Variants in SHROOM3 observed in about 807,000 individuals in gnomAD.
SHROOM3 encodes shroom family member 3.
A neutral mutation model predicts 138.6 loss-of-function variants in SHROOM3; 47 were observed. The observed-to-expected ratio is 0.34, with a 90% confidence interval of 0.27 to 0.43. SHROOM3 has a LOEUF of 0.43. SHROOM3 is among the 20% of genes least tolerant of loss of function. The pLI is 1.00. For missense variants in SHROOM3, 2,491 were observed against 2,596.5 expected (o/e 0.96, Z 0.88); for synonymous variants, 1,062 against 1,063.3 (o/e 1.00, Z 0.02).
At chr4:76,442,632 A>T (rs1730718649) in intron 1 of SHROOM3, among the ~76,000 whole-genome samples, 1 of 151,696 alleles carries the variant, frequency 6.6e-6, no homozygotes, top group African/African-American at 2.4e-5. Flanking sequence ...GATGGTCTCG[A>T]TCTCCTTACC....
chr4:76,611,034 A>G (rs1734750097), intron 2 of SHROOM3, among the ~76,000 whole-genome samples: 2 of 151,982 alleles, frequency 1.3e-5, no homozygotes, highest in Non-Finnish European at 2.9e-5. Flanking sequence ...TTCTAAGGTG[A>G]TTTTTTTCCC....
At chr4:76,487,657 A>G (rs139084274) in intron 1 of SHROOM3, among the ~76,000 whole-genome samples, 177 of 152,272 alleles carry the variant, frequency 1.2e-3, no homozygotes, top group Non-Finnish European at 1.8e-3. Context: ...ATTGAAATGT[A>G]CTACTGGGTT....
chr4:76,674,835 G>A (rs1340938771), intron 2 of SHROOM3, among the ~76,000 whole-genome samples: 4 of 151,902 alleles, frequency 2.6e-5, no homozygotes, highest in East Asian at 1.9e-4. Flanking sequence ...GATTACAGGC[G>A]TGAGCCACCA....
At position 76,782,717 on chromosome 4, in the gene SHROOM3, A is replaced by G. The variant is rs1008162659; in HGVS notation, c.*3540A>G. On this transcript the variant is annotated 3_prime_UTR_variant, in exon 11 of 11. Transcript: ENST00000296043. Reference sequence around the variant, plus strand: ...ATTCACCTTACTATTAGAAAAAGGAATAACTACAGCCAGAAATAACTTCAT... The same window carrying G: ...ATTCACCTTACTATTAGAAAAAGGAGTAACTACAGCCAGAAATAACTTCAT... The G allele has an allele frequency of 5.3e-5, 8 of 152,212 alleles. No homozygotes were observed. The highest frequency in any genetic ancestry group is 1.2e-4 in the Non-Finnish European group (8 of 68,044). 9.4% of individuals were successfully genotyped at this position (152,212 alleles called of 1,614,324 possible).
At chr4:76,535,007 C>G (rs1364986950) in intron 1 of SHROOM3, among the ~76,000 whole-genome samples, 4 of 152,208 alleles carry the variant, frequency 2.6e-5, no homozygotes, top group African/African-American at 9.6e-5. Flanking sequence ...AATACCCCTT[C>G]CTTCCAAAAG....
chr4:76,457,834 C>T (rs531931972), intron 1 of SHROOM3, among the ~76,000 whole-genome samples: 3 of 147,714 alleles, frequency 2.0e-5, no homozygotes, highest in South Asian at 4.3e-4. Flanking sequence ...CTCACTCTGT[C>T]GCCCATGCTG....
At chr4:76,658,111 C>T (rs1274515311) in intron 2 of SHROOM3, among the ~76,000 whole-genome samples, 2 of 152,200 alleles carry the variant, frequency 1.3e-5, no homozygotes, top group East Asian at 1.9e-4. Flanking sequence ...TAATAACTTC[C>T]CACAATCCCA....
intron 9 of SHROOM3, among the ~76,000 whole-genome samples, chr4:76,768,093 A>G (rs1169716829): frequency 6.6e-6 from 1 of 152,226 alleles, no homozygotes; most frequent in Non-Finnish European, 1.5e-5. Context: ...AGCCTAGGAA[A>G]TGTACCCTTC....
intron 2 of SHROOM3, among the ~76,000 whole-genome samples, chr4:76,662,936 GGAGGGAGA>G (rs937518177): frequency 9.9e-5 from 15 of 151,290 alleles, no homozygotes; most frequent in Admixed American, 2.6e-4. Flanking sequence ...AGAGGGAGAG[GGAGGGAGA>G]GAGGGAGAGA....
intron 1 of SHROOM3, among the ~76,000 whole-genome samples, chr4:76,541,441 A>G (rs1205884183): frequency 1.3e-5 from 2 of 152,220 alleles, no homozygotes; most frequent in Non-Finnish European, 2.9e-5. Flanking sequence ...GGATTGAGGC[A>G]TGGCTGGGGG....
chr4:76,681,712 G>A (rs532524013), intron 2 of SHROOM3, among the ~76,000 whole-genome samples: 3 of 151,534 alleles, frequency 2.0e-5, no homozygotes, highest in East Asian at 2.0e-4. Context: ...GTCTGGTGTC[G>A]GGATGTTGGT....
intron 3 of SHROOM3, among the ~76,000 whole-genome samples, chr4:76,722,363 A>G (rs1176689066): frequency 6.6e-6 from 1 of 152,212 alleles, no homozygotes; most frequent in African/African-American, 2.4e-5. Context: ...TTGCAGGAAC[A>G]TGGATGGAGC....
intron 9 of SHROOM3, among the ~76,000 whole-genome samples, chr4:76,766,054 A>G (rs768700758): frequency 2.9e-4 from 44 of 152,240 alleles, no homozygotes; most frequent in Non-Finnish European, 5.9e-4. Flanking sequence ...CTGAAGCCAG[A>G]TGATCTGCGT....
At chr4:76,632,043 G>A (rs1577934646) in intron 2 of SHROOM3, among the ~76,000 whole-genome samples, 1 of 152,138 alleles carries the variant, frequency 6.6e-6, no homozygotes, top group Non-Finnish European at 1.5e-5. Flanking sequence ...ATGGTAATGG[G>A]ATCATGAGTC....
At chr4:76,777,544 G>A (rs568705580) in intron 10 of SHROOM3, among the ~76,000 whole-genome samples, 29 of 152,268 alleles carry the variant, frequency 1.9e-4, no homozygotes, top group Non-Finnish European at 3.8e-4. Context: ...TTGGCAAACA[G>A]CAACAGTTTG....
intron 1 of SHROOM3, among the ~76,000 whole-genome samples, chr4:76,470,504 A>C (rs1382971817): frequency 6.6e-6 from 1 of 152,202 alleles, no homozygotes; most frequent in Non-Finnish European, 1.5e-5. Context: ...ATCAAGATAC[A>C]AGACTAATTG....
At chr4:76,601,548 A>G (rs1380530928) in intron 2 of SHROOM3, among the ~76,000 whole-genome samples, 1 of 152,190 alleles carries the variant, frequency 6.6e-6, no homozygotes, top group Non-Finnish European at 1.5e-5. Context: ...TTTATCGTCC[A>G]GGCTGCAGTG....
chr4:76,558,015 T>C (rs1022697828), intron 2 of SHROOM3, among the ~76,000 whole-genome samples: 1 of 152,146 alleles, frequency 6.6e-6, no homozygotes, highest in East Asian at 1.9e-4. Flanking sequence ...CACCTTGGCA[T>C]TGGAACCCAG....
chr4:76,546,755 C>CA (rs1400387250), intron 1 of SHROOM3, among the ~76,000 whole-genome samples: 2 of 152,182 alleles, frequency 1.3e-5, no homozygotes, highest in East Asian at 3.8e-4. Flanking sequence ...GCCAACTTCA[C>CA]AAAACAGCAA....
Sources: gnomAD v4.1 joint callset for allele counts (sites outside exome capture counted in the v4.1 genomes callset) on GRCh38, gnomAD v4.1.1 for gene constraint, MANE v1.5 for transcripts, NCBI Gene and HGNC (gene_info 2026-07-23, HGNC 2026-07-21) for gene names.